MEIOC: variants seen among roughly 807,000 people sequenced by gnomAD.
MEIOC encodes meiosis specific with coiled-coil domain, also known as meiosis-specific coiled-coil domain-containing protein MEIOC.
Under a neutral mutation model 85.3 loss-of-function variants are expected in MEIOC, and 9 were observed. That is an observed-to-expected ratio of 0.11 (90% CI 0.06 to 0.18). The LOEUF (loss-of-function observed/expected upper bound fraction) is 0.18, where lower values mean the gene tolerates loss of function less well. MEIOC is among the 10% of genes least tolerant of loss of function. The pLI is 1.00. For missense variants in MEIOC, 898 were observed against 1,129.4 expected (o/e 0.80, Z 2.94); for synonymous variants, 365 against 393.7 (o/e 0.93, Z 0.86).
intron 2 of MEIOC, among the ~76,000 whole-genome samples, chr17:44,658,091 A>G (rs567806428): frequency 6.7e-6 from 1 of 149,430 alleles, no homozygotes; most frequent in Non-Finnish European, 1.5e-5. Flanking sequence ...GGCTCCAGCC[A>G]TCCTCCCGCC....
At chr17:44,672,732 C>G (rs988056537) in intron 6 of MEIOC, among the ~76,000 whole-genome samples, 1 of 152,162 alleles carries the variant, frequency 6.6e-6, no homozygotes, top group African/African-American at 2.4e-5. Context: ...ATATCAGTGC[C>G]CTTTTTTAAG....
chr17:44,657,243 C>T lies in MEIOC; in HGVS notation c.186C>T (p.Tyr62=). 2 of 1,551,996 alleles carry T rather than the reference C, an allele frequency of 1.3e-6. No homozygotes were observed. Among genetic ancestry groups the T allele is most frequent in the Non-Finnish European group, 1.7e-6 (2 of 1,146,914 alleles). ...SVMLTGSASF[Y]DCYTSQSEDN... is the part of the protein sequence containing the mutation. ...TGTTGACTGGCTCCGCTTCCTTCTA[C>T]GATTGCTACACATCGCAGGTCCTTT... Residue 62 remains tyrosine (Y), a synonymous_variant, in exon 2 of 8, where the codon TAC becomes TAT. Transcript: ENST00000409122.
In MEIOC at chr17:44,674,092, G is replaced by A; in HGVS notation, c.2755G>A (p.Val919Met). ...GCCAAAAACAGCCAGTACAGCTGAT[G>A]TGGTAAAGCCTTTACAAGATACAGT... ...TLPKTASTAD[V>M]VKPLQDTVNC... The change falls in exon 8 of 8, where the codon GTG becomes ATG. Residue 919 changes from valine (V) to methionine (M), a missense_variant. By Grantham distance (21) the Val-to-Met change is conservative (BLOSUM62 1). Around this residue, in one of 2 missense-constraint regions of MEIOC, gnomAD observed 164 missense variants for 269.2 expected, o/e 0.61. Coordinates refer to ENST00000409122, the MANE Select transcript of MEIOC (RefSeq NM_001145080.3). 1 of 1,551,730 alleles carries A rather than the reference G, an allele frequency of 6.4e-7. No homozygotes were observed. The highest frequency in any genetic ancestry group is 2.4e-5 in the East Asian group (1 of 40,912).
chr17:44,668,363 A>T, intron 5 of MEIOC, 130 bp downstream of exon 5: 2 of 889,006 alleles, frequency 2.2e-6, no homozygotes, highest in Non-Finnish European at 3.3e-6. Context: ...TTTTAAAGAG[A>T]CAGAGTCTCG....
At chr17:44,672,705 C>G (rs568665333) in intron 6 of MEIOC, among the ~76,000 whole-genome samples, 1 of 152,220 alleles carries the variant, frequency 6.6e-6, no homozygotes, top group Admixed American at 6.5e-5. Context: ...GAAACATACT[C>G]CCCCTACTGA....
intron 6 of MEIOC, among the ~76,000 whole-genome samples, chr17:44,672,733 C>T (rs1263667893): frequency 6.6e-6 from 1 of 152,132 alleles, no homozygotes; most frequent in Admixed American, 6.5e-5. Context: ...TATCAGTGCC[C>T]TTTTTTAAGT....
chr17:44,667,570 A>C lies in MEIOC; in HGVS notation c.1659A>C (p.Ala553=). ...GTTTTGATTTTAGTTACAGTGGTGC[A>C]GAAAGAATCCAATCTGTCAATCACA... The part of the protein sequence containing the change: ...FSSFDFSYSG[A]ERIQSVNHIE... The change falls in exon 5 of 8, where the codon GCA becomes GCC. Residue 553 remains alanine, a synonymous_variant. Transcript: ENST00000409122. 1 of 1,613,918 alleles carries C rather than the reference A, an allele frequency of 6.2e-7. No individual in the cohort carries two copies. The highest frequency in any genetic ancestry group is 1.7e-5 in the Admixed American group (1 of 60,016).
At chr17:44,673,257 A>G in intron 6 of MEIOC, 109 bp from the exon 7 acceptor site, 1 of 763,948 alleles carries the variant, frequency 1.3e-6, no homozygotes. Flanking sequence ...TCTTTGATTT[A>G]TTGAATGAAT....
At position 44,673,444 on chromosome 17, in the gene MEIOC, C is replaced by A; in HGVS notation, c.2536C>A (p.His846Asn). 6.4e-7 allele frequency: 1 copy of A among 1,551,514 alleles called. No homozygotes were observed. ...CAGTATCTCTACTGCTCTTGATAGA[C>A]ACTTGGAGTCTATTCACATTGTACA... is the stretch of plus-strand genomic sequence containing the variant. ...HASISTALDR[H>N]LESIHIVQSR... The change falls in exon 7 of 8, where the codon CAC becomes AAC. Residue 846 changes from histidine (H) to asparagine (N), a missense_variant. Transcript: ENST00000409122.
chr17:44,666,936 G>A lies in MEIOC; in HGVS notation c.1025G>A (p.Cys342Tyr), dbSNP rs749796154. 13 of 1,610,060 alleles carry A rather than the reference G, an allele frequency of 8.1e-6. No individual in the cohort carries two copies. The highest frequency in any genetic ancestry group is 1.3e-5 in the African/African-American group (1 of 74,862). Residue 342 changes from cysteine (C) to tyrosine (Y), a missense_variant, in exon 5 of 8, where the codon TGT becomes TAT. Transcript: ENST00000409122. ...VHPNKAKLNK[C>Y]SNFSVQDSKK... ...CCTAATAAGGCTAAGCTTAATAAAT[G>A]TTCAAATTTTAGTGTCCAAGATAGC...
In MEIOC at chr17:44,668,240, C is replaced by T. The variant is rs1471369516; in HGVS notation, c.2322+7C>T. 1 of 1,581,924 alleles carries T rather than the reference C, an allele frequency of 6.3e-7. No individual in the cohort carries two copies. The highest frequency in any genetic ancestry group is 8.6e-7 in the Non-Finnish European group (1 of 1,167,076). On this transcript the variant is annotated splice_region_variant and intron_variant, in intron 5 of 7. Coordinates refer to ENST00000409122, the MANE Select transcript of MEIOC (RefSeq NM_001145080.3). ...AGAAAAAGAGAGAAAAAAGGTAACA[C>T]AAAGTTAACCACTTAGGAATAACAG...
chr17:44,658,355 C>G (rs1334650041), intron 2 of MEIOC, among the ~76,000 whole-genome samples: 2 of 150,720 alleles, frequency 1.3e-5, no homozygotes, highest in Non-Finnish European at 3.0e-5. Context: ...CGGGGTTTCA[C>G]TGTGTTAGCC....
intron 2 of MEIOC, among the ~76,000 whole-genome samples, chr17:44,660,841 C>G (rs1315308533): frequency 6.6e-6 from 1 of 151,956 alleles, no homozygotes; most frequent in East Asian, 1.9e-4. Flanking sequence ...ACCTGTAATC[C>G]CAGCACTTTG....
At chr17:44,670,882 A>G (rs967327572) in intron 6 of MEIOC, 3 of 152,066 alleles carry the variant, frequency 2.0e-5, no homozygotes, top group Admixed American at 1.3e-4. Flanking sequence ...CAAATGTTGT[A>G]AAGAATCCTC....
chr17:44,656,673 A>G lies in MEIOC; in HGVS notation c.60A>G (p.Glu20=). ...CTCACCCCTCAGGCCTGAGGGAGGA[A>G]GGACTTGAGGTAATGGATGAGGAAG... ...PRPHPSGLRE[E]GLEPKVAFPG... is the part of the protein sequence containing the mutation. The change falls in exon 1 of 8, where the codon GAA becomes GAG. Residue 20 remains glutamate, a synonymous_variant. Transcript: ENST00000409122. The G allele has an allele frequency of 6.7e-7, 1 of 1,491,386 alleles. No individual in the cohort carries two copies. Among genetic ancestry groups the G allele is most frequent in the Non-Finnish European group, 8.9e-7 (1 of 1,120,828 alleles). The allele number at this position is 1,491,386 out of a possible 1,614,324, so 92.4% of individuals were successfully genotyped here. A position where few individuals can be genotyped will look rare whatever the true frequency, so the allele number is the denominator to read the frequency against.
intron 6 of MEIOC, chr17:44,673,133 T>C (rs903874827): frequency 2.7e-5 from 11 of 402,480 alleles, no homozygotes; most frequent in Admixed American, 1.3e-4. Context: ...TTTTCATTGA[T>C]GCTTATTTTC....
chr17:44,668,941 C>T (rs969774632), intron 5 of MEIOC, among the ~76,000 whole-genome samples: 8 of 152,152 alleles, frequency 5.3e-5, no homozygotes, highest in African/African-American at 1.4e-4. Context: ...CGGTGGCTCA[C>T]GCCTGTAATC....
At chr17:44,658,054 G>T (rs1971789792) in intron 2 of MEIOC, among the ~76,000 whole-genome samples, 1 of 150,872 alleles carries the variant, frequency 6.6e-6, no homozygotes, top group Non-Finnish European at 1.5e-5. Context: ...GTTTCACCAT[G>T]TTCCCCAGGC....
intron 1 of MEIOC, 126 bp downstream of exon 1, chr17:44,656,808 C>A: frequency 1.0e-5 from 1 of 99,548 alleles, no homozygotes; most frequent in South Asian, 2.8e-4. Flanking sequence ...GTGGGGAGGC[C>A]GAACGGGGCG....
Sources: allele counts gnomAD v4.1 joint callset (sites outside exome capture counted in the v4.1 genomes callset), GRCh38; gene constraint gnomAD v4.1.1; regional missense constraint gnomAD v4.1.1; transcripts MANE v1.5; gene names NCBI Gene and HGNC (gene_info 2026-07-23, HGNC 2026-07-21).